Variants in PTPRT observed in about 807,000 individuals in gnomAD.
PTPRT encodes the protein protein tyrosine phosphatase receptor type T.
In PTPRT, 56 loss-of-function variants were observed where a neutral mutation model predicts 176.8. The observed-to-expected ratio is 0.32, with a 90% confidence interval of 0.26 to 0.40. The LOEUF (loss-of-function observed/expected upper bound fraction) is 0.40. Among genes scored for constraint, PTPRT ranks in the 10% least tolerant of loss-of-function variants. The pLI is 1.00. For synonymous variants in PTPRT, 783 were observed against 739.0 expected, an observed-to-expected ratio of 1.06 and a Z score of -0.96; for missense variants, 1,540 against 1,908.2, an observed-to-expected ratio of 0.81 and a Z score of 3.60.
intron 9 of PTPRT, among the ~76,000 whole-genome samples, chr20:42,434,318 TG>T (rs140013229): frequency 0.11 from 16,552 of 152,220 alleles, 917 homozygotes; most frequent in Middle Eastern, 0.14. Flanking sequence ...GACTCAAGTT[TG>T]GAATGCATTT....
At chr20:42,419,084 G>C (rs1221090689) in intron 9 of PTPRT, among the ~76,000 whole-genome samples, 1 of 152,202 alleles carries the variant, frequency 6.6e-6, no homozygotes, top group Non-Finnish European at 1.5e-5. Context: ...TCCCCCCACA[G>C]GGTGCTGCCA....
chr20:42,115,477 A>T (rs1303717149), intron 21 of PTPRT, among the ~76,000 whole-genome samples, 162 bp from the exon 22 acceptor site: 2 of 152,228 alleles, frequency 1.3e-5, no homozygotes, highest in Non-Finnish European at 2.9e-5. Context: ...CTGGCCAGGG[A>T]TCAGCAAGCT....
intron 17 of PTPRT, among the ~76,000 whole-genome samples, chr20:42,142,539 C>T (rs1453456903): frequency 2.0e-5 from 3 of 152,038 alleles, no homozygotes; most frequent in Non-Finnish European, 4.4e-5. Flanking sequence ...AAGAAGGTAA[C>T]ATTTTAGTTA....
intron 2 of PTPRT, among the ~76,000 whole-genome samples, chr20:42,860,104 G>A (rs1374594542): frequency 6.6e-6 from 1 of 152,066 alleles, no homozygotes; most frequent in Non-Finnish European, 1.5e-5. Flanking sequence ...TTGGTACATA[G>A]TATGAAGAAC....
intron 1 of PTPRT, among the ~76,000 whole-genome samples, chr20:42,999,018 T>G (rs911412732): frequency 5.3e-5 from 8 of 152,252 alleles, no homozygotes; most frequent in Non-Finnish European, 1.2e-4. Flanking sequence ...AGTTTATACC[T>G]GAATACATTT....
At chr20:42,925,363 G>T (rs145119283) in intron 1 of PTPRT, among the ~76,000 whole-genome samples, 1 of 152,268 alleles carries the variant, frequency 6.6e-6, no homozygotes, top group African/African-American at 2.4e-5. Context: ...ATAAGTAAAT[G>T]TTGGCTAGAT....
intron 8 of PTPRT, among the ~76,000 whole-genome samples, chr20:42,459,843 A>G (rs2070988158): frequency 6.7e-6 from 1 of 149,518 alleles, no homozygotes; most frequent in South Asian, 2.1e-4. Flanking sequence ...GGTACACACC[A>G]CCACACCCAG....
intron 8 of PTPRT, among the ~76,000 whole-genome samples, chr20:42,471,237 T>C (rs956029020): frequency 2.0e-5 from 3 of 152,206 alleles, no homozygotes; most frequent in African/African-American, 4.8e-5. Context: ...ATGTTTTATC[T>C]TTCTGGAGGC....
intron 9 of PTPRT, among the ~76,000 whole-genome samples, chr20:42,438,584 T>C (rs2059284123): frequency 6.6e-6 from 1 of 152,192 alleles, no homozygotes; most frequent in Admixed American, 6.5e-5. Context: ...TACAATTATA[T>C]GAGTGTATAC....
intron 7 of PTPRT, among the ~76,000 whole-genome samples, chr20:42,488,689 G>A (rs1236569957): frequency 6.7e-6 from 1 of 148,672 alleles, no homozygotes; most frequent in African/African-American, 2.6e-5. Context: ...CAAGTGCCAG[G>A]CGCAGTGGCT....
At chr20:42,099,972 T>C (rs1466646204) in intron 26 of PTPRT, among the ~76,000 whole-genome samples, 3 of 152,178 alleles carry the variant, frequency 2.0e-5, no homozygotes, top group African/African-American at 7.2e-5. Flanking sequence ...TGGAAAAACA[T>C]TGAGGCTTTG....
intron 2 of PTPRT, among the ~76,000 whole-genome samples, chr20:42,878,597 ACT>A (rs1482578304): frequency 6.6e-5 from 10 of 152,258 alleles, no homozygotes; most frequent in African/African-American, 4.8e-5. Context: ...CTTCTCTGGG[ACT>A]CTGTTTTCTC....
chr20:42,744,869 A>C (rs1431464068), intron 6 of PTPRT, among the ~76,000 whole-genome samples: 1 of 152,214 alleles, frequency 6.6e-6, no homozygotes, highest in Non-Finnish European at 1.5e-5. Context: ...ACATTCCTTA[A>C]ACTGGAACTA....
Position 42,468,665 on chromosome 20 carries a change from A to T in PTPRT, c.1450+3601T>A, listed in dbSNP as rs183957554. 3.9e-5 allele frequency among the ~76,000 whole-genome samples: 6 copies of T among 152,316 alleles called. No homozygotes were observed. In the East Asian group the frequency reaches 9.7e-4, roughly 25 times the overall value. On this transcript the variant is annotated intron_variant, in intron 8 of 30. Transcript: ENST00000373187. ...GAAGAAGAAAGAGAGAAGTTAAGGA[A>T]CGCCTTAAAGCTGGACTTGGGGTTT...
chr20:42,109,492 TC>T (rs1475843569), intron 23 of PTPRT, among the ~76,000 whole-genome samples: 4 of 152,192 alleles, frequency 2.6e-5, no homozygotes, highest in African/African-American at 9.7e-5. Flanking sequence ...TATCTCTTCT[TC>T]ATAATAAGGT....
intron 2 of PTPRT, among the ~76,000 whole-genome samples, chr20:42,850,268 A>G (rs139598390): frequency 9.4e-4 from 143 of 152,288 alleles, no homozygotes; most frequent in African/African-American, 3.2e-3. Context: ...TTGAAATACT[A>G]AAAGCGCTTC....
intron 1 of PTPRT, among the ~76,000 whole-genome samples, chr20:43,138,993 AG>A (rs1294994540): frequency 6.6e-6 from 1 of 152,210 alleles, no homozygotes; most frequent in East Asian, 1.9e-4. Context: ...CAGATATTCA[AG>A]TTCCTTCCAC....
intron 1 of PTPRT, among the ~76,000 whole-genome samples, chr20:42,916,227 T>G (rs771209677): frequency 9.2e-5 from 14 of 151,512 alleles, no homozygotes; most frequent in Non-Finnish European, 1.5e-4. Context: ...TGGTTTTATG[T>G]CCTTGCGATA....
rs1269493463 is a variant in PTPRT at position 42,677,882 on chromosome 20, G to A, written c.1137C>T (p.Thr379=). ...GTGPPGPPLT[T]RTKCADPVHG... is the part of the protein sequence containing the mutation. ...AAATCTTACCTGCACACTTGGTCCT[G>A]GTGGTGAGGGGAGGCCCTGGCGGTC... The change falls in exon 7 of 31, where the codon ACC becomes ACT. Residue 379 remains threonine, a synonymous_variant. Transcript: ENST00000373187. The A allele has an allele frequency of 1.2e-6, 2 of 1,613,488 alleles. No homozygotes were observed. Among genetic ancestry groups the A allele is most frequent in the Non-Finnish European group, 1.7e-6 (2 of 1,179,796 alleles).
Sources: allele counts gnomAD v4.1 joint callset (sites outside exome capture counted in the v4.1 genomes callset), GRCh38; gene constraint gnomAD v4.1.1; transcripts MANE v1.5; gene names NCBI Gene and HGNC (gene_info 2026-07-23, HGNC 2026-07-21).